The following DLGAP2 variants were observed in gnomAD, a reference collection of about 807,000 sequenced individuals.
DLGAP2 encodes the protein DLG associated protein 2.
In DLGAP2, 26 loss-of-function variants were observed where a neutral mutation model predicts 100.3. The observed-to-expected ratio is 0.26, with a 90% CI of 0.19 to 0.36. The LOEUF (loss-of-function observed/expected upper bound fraction) is 0.36, where lower values mean the gene tolerates loss of function less well. Among genes scored for constraint, DLGAP2 ranks in the 10% least tolerant of loss-of-function variants. The pLI, the probability that DLGAP2 is intolerant of heterozygous loss-of-function variation, is 1.00. For synonymous variants in DLGAP2, 886 were observed against 630.1 expected (o/e 1.41, Z -6.08); for missense variants, 1,858 against 1,453.2 (o/e 1.28, Z -4.53).
At chr8:1,667,691 G>C (rs1798579693) in intron 8 of DLGAP2, among the ~76,000 whole-genome samples, 1 of 152,154 alleles carries the variant, frequency 6.6e-6, no homozygotes, top group Non-Finnish European at 1.5e-5. Flanking sequence ...CTCACACACA[G>C]GTTTCCTGTA....
Position 1,393,028 on chromosome 8 carries a change from T to A in DLGAP2, c.107-108338T>A, listed in dbSNP as rs527969142. On this transcript the variant is annotated intron_variant, in intron 3 of 14. Transcript: ENST00000637795. The stretch of plus-strand genomic sequence containing the variant: ...GGTTTTCAGAACCTCCTTGTCCTCC[T>A]GAGTCGTGTATTGAGTGCTTACTGA... 8.0e-4 allele frequency among the ~76,000 whole-genome samples: 44 copies of A among 55,068 alleles called. 1 individual carries two copies. The East Asian group carries it at 0.013, about 16-fold the overall frequency. The allele number at this position is 55,068 out of a possible 152,430, so 36.1% of individuals were successfully genotyped here.
intron 2 of DLGAP2, among the ~76,000 whole-genome samples, chr8:1,230,368 C>G (rs902139447): frequency 5.3e-5 from 8 of 152,108 alleles, no homozygotes; most frequent in African/African-American, 1.7e-4. Flanking sequence ...ATAGATGGCA[C>G]AAGCAACCAA....
At chr8:1,150,797 A>G (rs1012888491) in intron 2 of DLGAP2, among the ~76,000 whole-genome samples, 3 of 152,258 alleles carry the variant, frequency 2.0e-5, no homozygotes, top group Non-Finnish European at 4.4e-5. Flanking sequence ...AAACTGAAAA[A>G]AAGTGTTATG....
chr8:1,511,797 C>A, intron 4 of DLGAP2, among the ~76,000 whole-genome samples: 1 of 150,840 alleles, frequency 6.6e-6, no homozygotes, highest in Non-Finnish European at 1.5e-5. Flanking sequence ...AGTAGATGAC[C>A]ATCTTCCATA....
chr8:1,411,843 C>T (rs973737646), intron 3 of DLGAP2, among the ~76,000 whole-genome samples: 1 of 152,232 alleles, frequency 6.6e-6, no homozygotes, highest in African/African-American at 2.4e-5. Flanking sequence ...GCTCTGCCCT[C>T]ATGAGCCGTC....
At chr8:1,550,263 G>T (rs527568188) in intron 5 of DLGAP2, among the ~76,000 whole-genome samples, 46 of 152,132 alleles carry the variant, frequency 3.0e-4, no homozygotes, top group Non-Finnish European at 5.3e-4. Context: ...ATCATTTGCC[G>T]GGAGACTCGA....
At chr8:1,277,846 G>GA (rs1171766440) in intron 3 of DLGAP2, among the ~76,000 whole-genome samples, 1 of 152,202 alleles carries the variant, frequency 6.6e-6, no homozygotes, top group Non-Finnish European at 1.5e-5. Flanking sequence ...CTGGGGCAGT[G>GA]ACTGCACAAG....
chr8:1,666,449 G>T (rs947317835), intron 8 of DLGAP2, among the ~76,000 whole-genome samples: 1 of 152,128 alleles, frequency 6.6e-6, no homozygotes, highest in Non-Finnish European at 1.5e-5. Context: ...GAGGTGGGTG[G>T]ATCATCTGAG....
At chr8:1,349,604 C>G (rs1435813861) in intron 3 of DLGAP2, among the ~76,000 whole-genome samples, 1 of 137,796 alleles carries the variant, frequency 7.3e-6, no homozygotes, top group Admixed American at 7.3e-5. Flanking sequence ...AGCCTCCTGC[C>G]CACATCCACG....
chr8:844,168 G>A (rs186271198), intron 1 of DLGAP2, among the ~76,000 whole-genome samples: 1 of 152,336 alleles, frequency 6.6e-6, no homozygotes, highest in Non-Finnish European at 1.5e-5. Flanking sequence ...AGTTAGAAAG[G>A]AAGTGTGTTT....
intron 5 of DLGAP2, among the ~76,000 whole-genome samples, chr8:1,551,291 A>G (rs1488265168): frequency 6.6e-6 from 1 of 152,156 alleles, no homozygotes; most frequent in Non-Finnish European, 1.5e-5. Flanking sequence ...ATCGGGGTTC[A>G]CTCTGATCTG....
At chr8:1,490,789 C>T (rs895030058) in intron 3 of DLGAP2, among the ~76,000 whole-genome samples, 2 of 151,744 alleles carry the variant, frequency 1.3e-5, no homozygotes, top group African/African-American at 4.8e-5. Context: ...TAAAAGGTCC[C>T]CAGGGTTAGG....
intron 2 of DLGAP2, among the ~76,000 whole-genome samples, chr8:1,135,882 T>G (rs1040674155): frequency 2.6e-5 from 4 of 152,050 alleles, no homozygotes; most frequent in African/African-American, 9.7e-5. Context: ...GCAGGGAAGG[T>G]TGCCCGTCGT....
At chr8:1,469,027 C>T (rs1036150520) in intron 3 of DLGAP2, among the ~76,000 whole-genome samples, 62 of 152,152 alleles carry the variant, frequency 4.1e-4, no homozygotes, top group Non-Finnish European at 1.2e-4. Context: ...TCACAGGCTC[C>T]GGGATGAGGC....
chr8:1,232,941 C>G (rs4292715), intron 2 of DLGAP2, among the ~76,000 whole-genome samples: 136,861 of 152,230 alleles, frequency 0.9, 61,763 homozygotes, highest in Middle Eastern at 0.97. Flanking sequence ...TAGGCCCACC[C>G]CCTGCCCAGC....
chr8:1,420,708 C>G (rs1273216043), intron 3 of DLGAP2, among the ~76,000 whole-genome samples: 1 of 152,162 alleles, frequency 6.6e-6, no homozygotes. Context: ...AGTAAAGCCA[C>G]TGCTGTTTCC....
At chr8:1,125,446 T>G (rs1796143127) in intron 2 of DLGAP2, among the ~76,000 whole-genome samples, 1 of 152,218 alleles carries the variant, frequency 6.6e-6, no homozygotes. Flanking sequence ...TTCAACCAAT[T>G]GTAGGTACTA....
intron 1 of DLGAP2, among the ~76,000 whole-genome samples, chr8:826,274 C>G (rs918776872): frequency 6.6e-6 from 1 of 152,208 alleles, no homozygotes; most frequent in Non-Finnish European, 1.5e-5. Context: ...GTAAACAGAG[C>G]TGCAGTCAAC....
chr8:1,345,409 C>G (rs1801532837), intron 3 of DLGAP2, among the ~76,000 whole-genome samples: 1 of 152,174 alleles, frequency 6.6e-6, no homozygotes, highest in Non-Finnish European at 1.5e-5. Flanking sequence ...CCCATTTTGC[C>G]CGAGTTGCCA....
Sources: gnomAD v4.1 joint callset for allele counts (sites outside exome capture counted in the v4.1 genomes callset) on GRCh38, gnomAD v4.1.1 for gene constraint, MANE v1.5 for transcripts, NCBI Gene and HGNC (gene_info 2026-07-23, HGNC 2026-07-21) for gene names.